NAALAD2: variants seen among roughly 807,000 people sequenced by gnomAD.
NAALAD2 encodes N-acetylated alpha-linked acidic dipeptidase 2.
In NAALAD2, 89 loss-of-function variants were observed where a neutral mutation model predicts 95.6. The ratio of observed to expected loss-of-function variants is 0.93; its 90% CI spans 0.78 to 1.11. The LOEUF (loss-of-function observed/expected upper bound fraction) is 1.11, where lower values mean the gene tolerates loss of function less well. Among genes scored for constraint, NAALAD2 ranks in the 50% least tolerant of loss-of-function variants. The probability of loss-of-function intolerance (pLI) is 0.00; values close to 1 mark genes in which losing one functional copy is unlikely to be tolerated. For synonymous variants in NAALAD2, 264 were observed against 294.4 expected (o/e 0.90, Z 1.06); for missense variants, 894 against 872.4 (o/e 1.02, Z -0.31).
rs117731070 is a variant in NAALAD2 at position 90,150,203 on chromosome 11, C to T, written c.484-279C>T. Among the ~76,000 whole-genome samples the T allele has an allele frequency of 5.9e-4, 89 of 151,596 alleles. No individual in the cohort carries two copies. In the East Asian group the frequency reaches 0.012, roughly 21 times the overall value. ...GAAGGTGGAGGAGGTTGCAGTGAGC[C>T]GAGGGAGTGCTACTGCACTCCAGCC... On this transcript the variant is annotated intron_variant, in intron 4 of 18. Transcript: ENST00000534061.
chr11:90,177,741 C>T lies in NAALAD2; in HGVS notation c.1594-112C>T, dbSNP rs1952845024. The T allele has an allele frequency of 6.2e-6, 7 of 1,120,942 alleles. No individual in the cohort carries two copies. In the Admixed American group the frequency reaches 7.7e-5, roughly 12 times the overall value. 69.4% of individuals were successfully genotyped at this position (1,120,942 alleles called of 1,614,324 possible). A position where few individuals can be genotyped will look rare whatever the true frequency, so the allele number is the denominator to read the frequency against. On this transcript the variant is annotated intron_variant, in intron 15 of 18. Transcript: ENST00000534061. ...GTGCTAGGATTACAGATGTGAGCCA[C>T]CATGACTGGCTGGTTGTTATTTTTT... is the stretch of plus-strand genomic sequence containing the variant.
At chr11:90,172,525 C>T (rs965703306) in intron 13 of NAALAD2, among the ~76,000 whole-genome samples, 1 of 152,142 alleles carries the variant, frequency 6.6e-6, no homozygotes, top group Non-Finnish European at 1.5e-5. Context: ...TACCCAACAT[C>T]TTTATTAGAT....
At chr11:90,163,977 C>A in intron 11 of NAALAD2, 2 of 372,650 alleles carry the variant, frequency 5.4e-6, no homozygotes, top group Non-Finnish European at 9.5e-6. Flanking sequence ...AGCTAATTTT[C>A]AAGTTTTTGA....
chr11:90,185,802 C>G (rs1300874391), intron 18 of NAALAD2, among the ~76,000 whole-genome samples: 1 of 150,114 alleles, frequency 6.7e-6, no homozygotes, highest in African/African-American at 2.5e-5. Context: ...CCTATTTGAA[C>G]ATTTGTTAAT....
At chr11:90,148,847 A>AATG (rs1015690151) in intron 3 of NAALAD2, among the ~76,000 whole-genome samples, 159 bp from the exon 4 acceptor site, 1 of 152,212 alleles carries the variant, frequency 6.6e-6, no homozygotes, top group Non-Finnish European at 1.5e-5. Flanking sequence ...AGACAATAAT[A>AATG]ATGATAAGGC....
intron 13 of NAALAD2, among the ~76,000 whole-genome samples, chr11:90,173,186 TACAC>T (rs137863708): frequency 1.8e-4 from 27 of 151,222 alleles, no homozygotes; most frequent in Non-Finnish European, 1.3e-4. Context: ...TGTATATATA[TACAC>T]ACACACACAC....
At chr11:90,142,106 A>G (rs1009816548) in intron 2 of NAALAD2, among the ~76,000 whole-genome samples, 4 of 152,112 alleles carry the variant, frequency 2.6e-5, no homozygotes, top group South Asian at 2.1e-4. Flanking sequence ...GAGGGTTTTT[A>G]TCATGAATGG....
intron 15 of NAALAD2, among the ~76,000 whole-genome samples, 187 bp from the exon 16 acceptor site, chr11:90,177,666 T>G (rs971501810): frequency 9.6e-6 from 1 of 104,612 alleles, no homozygotes; most frequent in Non-Finnish European, 1.8e-5. Context: ...TTGCCCAGGC[T>G]GGTCTTGAAC....
chr11:90,171,547 T>C (rs1952635751), intron 13 of NAALAD2, among the ~76,000 whole-genome samples: 1 of 152,210 alleles, frequency 6.6e-6, no homozygotes, highest in African/African-American at 2.4e-5. Context: ...CTGGCCTTGA[T>C]GTCAGGAATG....
intron 2 of NAALAD2, among the ~76,000 whole-genome samples, chr11:90,138,399 T>A (rs1951505480): frequency 1.3e-5 from 2 of 152,118 alleles, no homozygotes; most frequent in South Asian, 2.1e-4. Context: ...ATCATGTATG[T>A]TTTTTGCTTT....
At chr11:90,183,928 GT>G (rs1242937446) in intron 18 of NAALAD2, among the ~76,000 whole-genome samples, 1 of 152,068 alleles carries the variant, frequency 6.6e-6, no homozygotes, top group East Asian at 1.9e-4. Context: ...TTTCCTATCT[GT>G]ATCTCTACAT....
intron 1 of NAALAD2, chr11:90,135,257 T>C (rs1003207836): frequency 4.8e-5 from 15 of 314,724 alleles, no homozygotes; most frequent in Non-Finnish European, 8.1e-5. Flanking sequence ...GAATGTTCCC[T>C]ATGTGTCAGG....
rs893856315 is a variant in NAALAD2, at chr11:90,157,397, A to G, written c.797-748A>G. Reference sequence around the variant, plus strand: ...GTTTTAAGGCTGGCAATACTTTTCAATCTTCCTTGAATGATAATATATCAC... The same window carrying G: ...GTTTTAAGGCTGGCAATACTTTTCAGTCTTCCTTGAATGATAATATATCAC... On this transcript the variant is annotated intron_variant, in intron 6 of 18. Transcript: ENST00000534061. 1.8e-3 allele frequency among the ~76,000 whole-genome samples: 275 copies of G among 152,234 alleles called. 2 individuals are homozygous for G. The highest frequency in any genetic ancestry group is 6.0e-3 in the African/African-American group (250 of 41,542).
chr11:90,159,370 G>A lies in NAALAD2; in HGVS notation c.989+33G>A, dbSNP rs1228826071. ...TGCATTACTTTAATAGTCTGAAAAA[G>A]TTTTATATTTTTAATGGAAACATGT... On this transcript the variant is annotated intron_variant, in intron 8 of 18. Coordinates refer to ENST00000534061, the MANE Select transcript of NAALAD2 (RefSeq NM_005467.4). The A allele has an allele frequency of 1.0e-5, 15 of 1,484,278 alleles. No individual in the cohort carries two copies. The East Asian group carries it at 2.7e-4, about 27-fold the overall frequency. 91.9% of individuals were successfully genotyped at this position (1,484,278 alleles called of 1,614,324 possible).
intron 18 of NAALAD2, among the ~76,000 whole-genome samples, chr11:90,185,182 T>C (rs1857098039): frequency 6.6e-6 from 1 of 151,476 alleles, no homozygotes. Context: ...TTATATACTA[T>C]ATATGCAAAT....
Position 90,173,820 on chromosome 11 carries a change from C to A in NAALAD2, c.1411-4C>A, listed in dbSNP as rs1403996916. The A allele has an allele frequency of 6.2e-7, 1 of 1,605,956 alleles. No individual in the cohort carries two copies. The highest frequency in any genetic ancestry group is 1.1e-5 in the South Asian group (1 of 89,280). On this transcript the variant is annotated splice_region_variant and splice_polypyrimidine_tract_variant and intron_variant, in intron 13 of 18. Transcript: ENST00000534061. ...AATTTCCAGTATTTGATTTCTCTTT[C>A]CAGATCCCCAGCCCTGATGATGGGT...
chr11:90,163,269 G>A (rs772619008), intron 9 of NAALAD2, 41 bp from the exon 10 acceptor site: 7 of 1,566,800 alleles, frequency 4.5e-6, no homozygotes, highest in Non-Finnish European at 6.1e-6. Flanking sequence ...TATTTATAAT[G>A]TATTCAAAGT....
At chr11:90,133,305 A>G (rs1443831421), upstream of NAALAD2, among the ~76,000 whole-genome samples, 1 of 152,178 alleles carries the variant, frequency 6.6e-6, no homozygotes, top group East Asian at 1.9e-4. Flanking sequence ...CTGAGATGAG[A>G]TGGTTGGATG....
intron 6 of NAALAD2, 70 bp downstream of exon 6, chr11:90,152,554 C>A (rs1817473549): frequency 2.5e-6 from 3 of 1,189,424 alleles, no homozygotes; most frequent in Admixed American, 4.4e-5. Flanking sequence ...GGAATACAAG[C>A]AAGCATGTTC....
Sources: allele counts gnomAD v4.1 joint callset (sites outside exome capture counted in the v4.1 genomes callset), GRCh38; gene constraint gnomAD v4.1.1; transcripts MANE v1.5; gene names NCBI Gene and HGNC (gene_info 2026-07-23, HGNC 2026-07-21).